PSD3: variants seen among roughly 807,000 people sequenced by gnomAD.
PSD3 encodes pleckstrin and Sec7 domain containing 3.
Under a neutral mutation model 105.5 loss-of-function variants are expected in PSD3, and 49 were observed. The observed-to-expected ratio is 0.46, with a 90% CI of 0.37 to 0.59. PSD3 has a LOEUF of 0.59. Ranked by LOEUF, PSD3 falls within the 20% of genes least tolerant of loss-of-function variation. The pLI, the probability that PSD3 is intolerant of heterozygous loss-of-function variation, is 0.00. For missense variants in PSD3, 1,561 were observed against 1,263.8 expected, an observed-to-expected ratio of 1.24 and a Z score of -3.57; for synonymous variants, 557 against 457.8, an observed-to-expected ratio of 1.22 and a Z score of -2.77.
rs143286363 is a variant in PSD3, at chr8:18,672,828, T to C, written c.2173-17143A>G. Among the ~76,000 whole-genome samples the C allele has an allele frequency of 3.6e-3, 553 of 152,300 alleles. 5 individuals carry two copies. Among genetic ancestry groups the C allele is most frequent in the African/African-American group, 0.013 (529 of 41,572 alleles). ...AAAGTCTTGGAAGAGATGAAACCTTTTGCTTTTCTTAAAAAGTAGTCTCCA... is the reference window on the plus strand; with the variant it reads ...AAAGTCTTGGAAGAGATGAAACCTTCTGCTTTTCTTAAAAAGTAGTCTCCA... On this transcript the variant is annotated intron_variant, in intron 9 of 15. Transcript: ENST00000327040.
At position 18,786,446 on chromosome 8, in the gene PSD3, C is replaced by G. The variant is rs1180040483; in HGVS notation, c.2082+12849G>C. Among the ~76,000 whole-genome samples, 8 of 152,286 alleles carry G rather than the reference C, an allele frequency of 5.3e-5. No individual in the cohort carries two copies. In the East Asian group the frequency reaches 1.5e-3, roughly 29 times the overall value. On this transcript the variant is annotated intron_variant, in intron 8 of 15. Coordinates refer to ENST00000327040, the MANE Select transcript of PSD3 (RefSeq NM_015310.4). Reference sequence around the variant, plus strand: ...TTGGTCTATGAAATCATACCTCATCCTAAATTCAGATTTACTTTAACTGCT... The same window carrying G: ...TTGGTCTATGAAATCATACCTCATCGTAAATTCAGATTTACTTTAACTGCT...
At chr8:19,056,089 T>C (rs1010169511) in intron 1 of PSD3, among the ~76,000 whole-genome samples, 1 of 152,258 alleles carries the variant, frequency 6.6e-6, no homozygotes, top group African/African-American at 2.4e-5. Context: ...GTTGCTATTC[T>C]TTGACTTTTA....
intron 1 of PSD3, among the ~76,000 whole-genome samples, chr8:19,052,323 T>A (rs1828556981): frequency 1.3e-5 from 2 of 151,716 alleles, no homozygotes; most frequent in African/African-American, 2.4e-5. Context: ...AATACAAACA[T>A]TAGCCAGGTG....
intron 12 of PSD3, among the ~76,000 whole-genome samples, chr8:18,591,134 A>T (rs1803574112): frequency 1.3e-5 from 2 of 152,184 alleles, no homozygotes; most frequent in Admixed American, 1.3e-4. Context: ...CCAGGAGAGC[A>T]CAAAGCCAAG....
chr8:18,802,741 A>T (rs551986024), intron 6 of PSD3, among the ~76,000 whole-genome samples: 3 of 152,304 alleles, frequency 2.0e-5, no homozygotes, highest in African/African-American at 7.2e-5. Context: ...TGATCTCAGA[A>T]TTCTTCCAGA....
chr8:18,536,079 C>T, intron 15 of PSD3, 121 bp from the exon 16 acceptor site: 1 of 911,416 alleles, frequency 1.1e-6, no homozygotes, highest in Non-Finnish European at 1.7e-6. Flanking sequence ...CGCTTCATTT[C>T]CCAAACTGAC....
In PSD3 at chr8:18,531,960, G is replaced by T. The variant is rs1327525738; in HGVS notation, c.*3783C>A. On this transcript the variant is annotated 3_prime_UTR_variant, in exon 16 of 16. Transcript: ENST00000327040. ...CAAACCTGCAAAGCTAAACTTCTGT[G>T]AATTCAGGATGCAACATGCTTAACT... The T allele has an allele frequency of 6.6e-6, 1 of 152,220 alleles. No individual in the cohort carries two copies. Among genetic ancestry groups the T allele is most frequent in the African/African-American group, 2.4e-5 (1 of 41,464 alleles). The allele number at this position is 152,220 out of a possible 1,614,324, so 9.4% of individuals were successfully genotyped here.
chr8:19,046,812 C>A (rs1828334417), intron 1 of PSD3, among the ~76,000 whole-genome samples: 1 of 152,172 alleles, frequency 6.6e-6, no homozygotes, highest in South Asian at 2.1e-4. Flanking sequence ...AATAATGAAG[C>A]TTACATCACT....
At chr8:18,907,609 G>A (rs1207459526) in intron 2 of PSD3, among the ~76,000 whole-genome samples, 2 of 152,198 alleles carry the variant, frequency 1.3e-5, no homozygotes, top group Non-Finnish European at 2.9e-5. Context: ...TAGAGCCTAG[G>A]AGCAATAAGC....
At chr8:18,807,633 C>T (rs996231796) in intron 4 of PSD3, among the ~76,000 whole-genome samples, 1 of 152,186 alleles carries the variant, frequency 6.6e-6, no homozygotes, top group African/African-American at 2.4e-5. Flanking sequence ...GGCAGAACAG[C>T]AGGCATTAAC....
In PSD3 at chr8:18,530,314, A is replaced by G. The variant is rs917380994; in HGVS notation, c.*5429T>C. The stretch of plus-strand genomic sequence containing the variant: ...ACCTAAGTATAAAAATATTTAAAAT[A>G]AAGTTTAAACCTGGTCCTGAAATTC... On this transcript the variant is annotated 3_prime_UTR_variant, in exon 16 of 16. Transcript: ENST00000327040. 2 of 152,506 alleles carry G rather than the reference A, an allele frequency of 1.3e-5. No homozygotes were observed. The highest frequency in any genetic ancestry group is 4.8e-5 in the African/African-American group (2 of 41,452). 9.4% of individuals were successfully genotyped at this position (152,506 alleles called of 1,614,324 possible).
intron 9 of PSD3, among the ~76,000 whole-genome samples, chr8:18,722,635 A>T (rs1002806794): frequency 1.3e-5 from 2 of 152,250 alleles, no homozygotes; most frequent in Non-Finnish European, 2.9e-5. Context: ...TTAGAGAAAG[A>T]TGTCAATCTC....
Position 18,535,714 on chromosome 8 carries a change from G to T in PSD3, c.*29C>A. On this transcript the variant is annotated 3_prime_UTR_variant, in exon 16 of 16. Transcript: ENST00000327040. Reference sequence around the variant, plus strand: ...CTTGAAAAACCCTATTTTGCTCCATGACCAGCACTTCCTGGCCGCAGATGG... The same window carrying T: ...CTTGAAAAACCCTATTTTGCTCCATTACCAGCACTTCCTGGCCGCAGATGG... The T allele has an allele frequency of 1.3e-6, 2 of 1,542,746 alleles. No individual in the cohort carries two copies. Among genetic ancestry groups the T allele is most frequent in the South Asian group, 2.2e-5 (2 of 89,574 alleles).
upstream of PSD3, among the ~76,000 whole-genome samples, chr8:19,018,165 C>G (rs115569811): frequency 8.4e-3 from 1,274 of 152,276 alleles, 14 homozygotes; most frequent in African/African-American, 0.028. Flanking sequence ...AGTCTTTTCT[C>G]TAGCATGGTT....
chr8:18,939,233 C>G (rs973558195), intron 1 of PSD3, among the ~76,000 whole-genome samples: 1 of 152,152 alleles, frequency 6.6e-6, no homozygotes, highest in Admixed American at 6.5e-5. Flanking sequence ...AATTGCCAAT[C>G]AAGAGAATTC....
At chr8:18,600,541 G>T in intron 11 of PSD3, 107 bp from the exon 12 acceptor site, 1 of 925,716 alleles carries the variant, frequency 1.1e-6, no homozygotes, top group Non-Finnish European at 1.6e-6. Context: ...CCTAGCTACC[G>T]AAAGTAATAA....
intron 9 of PSD3, among the ~76,000 whole-genome samples, chr8:18,747,825 GA>G (rs1319328432): frequency 2.0e-5 from 3 of 149,414 alleles, no homozygotes; most frequent in African/African-American, 4.9e-5. Context: ...AAAAAAAAAA[GA>G]AAAAAAAAGA....
In PSD3 at chr8:18,765,522, A is replaced by G. The variant is rs1806908676; in HGVS notation, c.2099T>C (p.Met700Thr). 6.2e-7 allele frequency: 1 copy of G among 1,610,158 alleles called. No homozygotes were observed. Among genetic ancestry groups the G allele is most frequent in the Non-Finnish European group, 8.5e-7 (1 of 1,176,436 alleles). ...DLHGHNIGKK[M>T]TCQEFIANLQ... is the part of the protein sequence containing the mutation. Reference sequence around the variant, plus strand: ...ATTTGCAATGAACTCCTGACAGGTCATCTTCTTTCCAATATTCTGAAACAG... The same window carrying G: ...ATTTGCAATGAACTCCTGACAGGTCGTCTTCTTTCCAATATTCTGAAACAG... The change falls in exon 9 of 16, where the codon ATG (methionine) becomes ACG (threonine). Residue 700 changes from methionine to threonine, a missense_variant. Met to Thr is a moderately conservative substitution (Grantham distance 81, BLOSUM62 -1). Transcript: ENST00000327040.
intron 1 of PSD3, among the ~76,000 whole-genome samples, chr8:18,949,636 A>G (rs1227231987): frequency 4.6e-5 from 7 of 152,266 alleles, no homozygotes; most frequent in African/African-American, 1.7e-4. Context: ...TTCTGTGTAT[A>G]GGACATAAAT....
Sources: gnomAD v4.1 joint callset for allele counts (sites outside exome capture counted in the v4.1 genomes callset) on GRCh38, gnomAD v4.1.1 for gene constraint, MANE v1.5 for transcripts, NCBI Gene and HGNC (gene_info 2026-07-23, HGNC 2026-07-21) for gene names.